NAV3: variants seen among roughly 807,000 people sequenced by gnomAD.
NAV3 encodes the protein neuron navigator 3, also known as pore membrane and/or filament interacting like protein 1.
NAV3 carries 87 observed loss-of-function variants against 244.7 expected under a neutral mutation model. The observed-to-expected ratio is 0.36, with a 90% confidence interval of 0.30 to 0.42. The LOEUF is 0.42. Ranked by LOEUF, NAV3 falls within the 20% of genes least tolerant of loss-of-function variation. The pLI is 1.00. For synonymous variants in NAV3, 1,126 were observed against 1,042.2 expected (o/e 1.08, Z -1.55); for missense variants, 2,663 against 2,893.3 (o/e 0.92, Z 1.83).
chr12:77,645,915 T>C (rs1397746371), intron 2 of NAV3, among the ~76,000 whole-genome samples: 2 of 152,140 alleles, frequency 1.3e-5, no homozygotes, highest in Non-Finnish European at 2.9e-5. Flanking sequence ...TCAGGCAAAG[T>C]GATGCTTTGT....
At chr12:78,101,246 A>G (rs1405122905) in intron 12 of NAV3, among the ~76,000 whole-genome samples, 1 of 152,226 alleles carries the variant, frequency 6.6e-6, no homozygotes, top group Non-Finnish European at 1.5e-5. Context: ...GAAACAACTC[A>G]GAATGTACAT....
In NAV3 at chr12:77,908,785, T is replaced by G. The variant is rs192193913; in HGVS notation, c.244-31534T>G. 5.0e-4 allele frequency among the ~76,000 whole-genome samples: 76 copies of G among 152,222 alleles called. 1 individual carries two copies. The highest frequency in any genetic ancestry group is 5.9e-5 in the Non-Finnish European group (4 of 67,980). On this transcript the variant is annotated intron_variant, in intron 1 of 39. Coordinates refer to ENST00000397909, the MANE Select transcript of NAV3 (RefSeq NM_001024383.2). ...AGAAATTTTTCTGCTTTGCATAATT[T>G]ATAGATCAGATTGTTCCTTCTCTAT... is the stretch of plus-strand genomic sequence containing the variant.
intron 2 of NAV3, among the ~76,000 whole-genome samples, chr12:77,644,823 G>C (rs1265447713): frequency 2.6e-5 from 4 of 151,954 alleles, no homozygotes. Flanking sequence ...AGAAGAGTAG[G>C]CTAAACAAAC....
chr12:78,026,508 T>C (rs1254783146), intron 9 of NAV3, among the ~76,000 whole-genome samples: 2 of 152,174 alleles, frequency 1.3e-5, no homozygotes, highest in African/African-American at 2.4e-5. Flanking sequence ...ATAGTATATT[T>C]TTGGCTCCAG....
intron 1 of NAV3, among the ~76,000 whole-genome samples, chr12:77,923,382 GGAGA>G (rs1165470452): frequency 6.6e-6 from 1 of 151,994 alleles, no homozygotes; most frequent in Non-Finnish European, 1.5e-5. Flanking sequence ...AGCTAAAATA[GGAGA>G]GAGAGAGCTA....
At chr12:77,749,836 A>T (rs1868749444) in intron 2 of NAV3, among the ~76,000 whole-genome samples, 1 of 152,148 alleles carries the variant, frequency 6.6e-6, no homozygotes, top group Non-Finnish European at 1.5e-5. Flanking sequence ...GGTCTAAAAG[A>T]GGCTGACCAG....
At chr12:77,767,442 G>A (rs367800530) in intron 2 of NAV3, among the ~76,000 whole-genome samples, 2 of 152,124 alleles carry the variant, frequency 1.3e-5, no homozygotes, top group South Asian at 4.1e-4. Flanking sequence ...ACTTGGCCTG[G>A]TAGTCTGCAC....
intron 9 of NAV3, among the ~76,000 whole-genome samples, chr12:78,041,518 C>T (rs570102217): frequency 1.3e-5 from 2 of 152,300 alleles, no homozygotes; most frequent in East Asian, 3.9e-4. Context: ...TCCACTGGAA[C>T]CACAGGGTGA....
intron 36 of NAV3, chr12:78,199,089 C>A: frequency 1.7e-6 from 1 of 600,026 alleles, no homozygotes. Context: ...ATTTAGACTC[C>A]CACTCACTTC....
intron 2 of NAV3, among the ~76,000 whole-genome samples, chr12:77,580,219 A>AACACACACACACACACAC (rs59671759): frequency 4.8e-5 from 7 of 145,392 alleles, no homozygotes; most frequent in African/African-American, 1.6e-4. Flanking sequence ...GTAGGGTGGG[A>AACACACACACACACACAC]ACACACACAC....
Position 78,122,086 on chromosome 12 carries a change from G to A in NAV3, c.3896G>A (p.Gly1299Asp), listed in dbSNP as rs1337609524. The A allele has an allele frequency of 1.2e-6, 2 of 1,614,042 alleles. No homozygotes were observed. The highest frequency in any genetic ancestry group is 2.2e-5 in the East Asian group (1 of 44,872). Residue 1299 changes from glycine to aspartate, a missense_variant, in exon 16 of 40, where the codon GGC (glycine) becomes GAC (aspartate). Transcript: ENST00000397909. The stretch of plus-strand genomic sequence containing the variant: ...CCGTCGTCCGGTACGGGCAGCATGG[G>A]CAGTGCTGGTGGGCTAAGCGGCAGC... ...ESPSSGTGSM[G>D]SAGGLSGSSS...
At chr12:77,621,480 T>C in intron 2 of NAV3, among the ~76,000 whole-genome samples, 1 of 149,006 alleles carries the variant, frequency 6.7e-6, no homozygotes, top group Non-Finnish European at 1.5e-5. Flanking sequence ...CTCTTCTCTT[T>C]TTTTTTTTTT....
chr12:77,822,771 C>G (rs545048683), intron 2 of NAV3, among the ~76,000 whole-genome samples: 1 of 151,968 alleles, frequency 6.6e-6, no homozygotes, highest in Non-Finnish European at 1.5e-5. Context: ...CTTGTTAGTA[C>G]GAGTCATTTA....
chr12:78,196,947 C>G (rs1959182962), intron 34 of NAV3, among the ~76,000 whole-genome samples: 1 of 151,898 alleles, frequency 6.6e-6, no homozygotes, highest in African/African-American at 2.4e-5. Flanking sequence ...TTTGGCTTTT[C>G]TTTCAGGGAG....
At chr12:77,658,806 A>G (rs1237842096) in intron 2 of NAV3, among the ~76,000 whole-genome samples, 5 of 151,782 alleles carry the variant, frequency 3.3e-5, no homozygotes, top group Admixed American at 6.6e-5. Context: ...ATAACGCCGC[A>G]TATCTACAAC....
intron 2 of NAV3, among the ~76,000 whole-genome samples, chr12:77,696,994 G>A (rs1394202125): frequency 6.6e-6 from 1 of 152,040 alleles, no homozygotes; most frequent in Non-Finnish European, 1.5e-5. Flanking sequence ...TCTCTTGCTG[G>A]CATGTTCCTT....
intron 2 of NAV3, among the ~76,000 whole-genome samples, chr12:77,627,435 T>C (rs11106020): frequency 0.12 from 17,583 of 152,098 alleles, 1,836 homozygotes; most frequent in African/African-American, 0.28. Flanking sequence ...CGTATTACAA[T>C]TGATAGTACA....
chr12:78,089,482 A>C (rs1189305564), intron 12 of NAV3, among the ~76,000 whole-genome samples: 1 of 152,214 alleles, frequency 6.6e-6, no homozygotes, highest in East Asian at 1.9e-4. Context: ...ACTTAGGCTT[A>C]TCAAAAATAT....
intron 9 of NAV3, among the ~76,000 whole-genome samples, chr12:78,032,782 T>A (rs1879214883): frequency 6.6e-6 from 1 of 152,198 alleles, no homozygotes; most frequent in Non-Finnish European, 1.5e-5. Flanking sequence ...ACAGAAAGAA[T>A]TTGTCCTCAG....
Sources: gnomAD v4.1 joint callset for allele counts (sites outside exome capture counted in the v4.1 genomes callset) on GRCh38, gnomAD v4.1.1 for gene constraint, MANE v1.5 for transcripts, NCBI Gene and HGNC (gene_info 2026-07-23, HGNC 2026-07-21) for gene names.